The following MYCBP2 variants were observed in gnomAD, a reference collection of about 807,000 sequenced individuals.
MYCBP2 encodes E3 ubiquitin-protein ligase MYCBP2.
MYCBP2 carries 120 observed loss-of-function variants against 525.3 expected under a neutral mutation model. The observed-to-expected ratio is 0.23, with a 90% CI of 0.20 to 0.27. MYCBP2 has a LOEUF of 0.27. Among genes scored for constraint, MYCBP2 ranks in the 10% least tolerant of loss-of-function variants. The probability of loss-of-function intolerance (pLI) is 1.00; values close to 1 mark genes in which losing one functional copy is unlikely to be tolerated. For synonymous variants in MYCBP2, 1,894 were observed against 1,955.8 expected, an observed-to-expected ratio of 0.97 and a Z score of 0.83; for missense variants, 4,149 against 5,657.1, an observed-to-expected ratio of 0.73 and a Z score of 8.55.
In MYCBP2 at chr13:77,217,965, A is replaced by T; in HGVS notation, c.2940-8T>A. ...ACAAGAGTGGGACATCCCCTAGGTT[A>T]AAAAAAAAAAAAGTAAGTCAATTTC... On this transcript the variant is annotated splice_polypyrimidine_tract_variant and splice_region_variant and intron_variant, in intron 20 of 82. Transcript: ENST00000544440. 9.0e-6 allele frequency: 2 copies of T among 222,418 alleles called. No individual in the cohort carries two copies. Among genetic ancestry groups the T allele is most frequent in the Non-Finnish European group, 1.5e-5 (2 of 131,838 alleles). 13.8% of individuals were successfully genotyped at this position (222,418 alleles called of 1,614,324 possible). A position where few individuals can be genotyped will look rare whatever the true frequency, so the allele number is the denominator to read the frequency against.
At chr13:77,100,524 G>C (rs1039357470) in intron 55 of MYCBP2, 1 of 151,944 alleles carries the variant, frequency 6.6e-6, no homozygotes, top group African/African-American at 2.4e-5. Flanking sequence ...AGGCTCCCAA[G>C]GCCACAGGAC....
intron 32 of MYCBP2, among the ~76,000 whole-genome samples, chr13:77,183,167 T>C (rs1434785302): frequency 6.6e-6 from 1 of 152,244 alleles, no homozygotes; most frequent in Non-Finnish European, 1.5e-5. Flanking sequence ...TAAGAGCATC[T>C]ATGTTTCTGA....
In MYCBP2 at chr13:77,139,339, A is replaced by T. The variant is rs2054228431; in HGVS notation, c.7519-3T>A. On this transcript the variant is annotated splice_region_variant and splice_polypyrimidine_tract_variant and intron_variant, in intron 51 of 82. Coordinates refer to ENST00000544440, the MANE Select transcript of MYCBP2 (RefSeq NM_015057.5). ...CACACACCATCATCATTATGGATCT[A>T]TAGAAAAAAGCAACAGAAACAAGCC... 6.2e-7 allele frequency: 1 copy of T among 1,610,098 alleles called. No individual in the cohort carries two copies. Among genetic ancestry groups the T allele is most frequent in the Non-Finnish European group, 8.5e-7 (1 of 1,177,708 alleles).
At chr13:77,061,324 G>A (rs2154072135) in intron 75 of MYCBP2, 23 bp from the exon 76 acceptor site, 4 of 1,560,304 alleles carry the variant, frequency 2.6e-6, no homozygotes, top group East Asian at 2.3e-5. Context: ...TAAAGAACAG[G>A]GAAAAATATG....
At chr13:77,190,543 A>C (rs1595279116) in intron 28 of MYCBP2, among the ~76,000 whole-genome samples, 2 of 152,278 alleles carry the variant, frequency 1.3e-5, no homozygotes, top group South Asian at 4.1e-4. Flanking sequence ...AGGACTCCTA[A>C]ATGAGTAGCT....
chr13:77,153,575 T>C (rs1047720367), intron 46 of MYCBP2, among the ~76,000 whole-genome samples: 1 of 152,232 alleles, frequency 6.6e-6, no homozygotes, highest in African/African-American at 2.4e-5. Context: ...TCTATGTGTG[T>C]ATGCACCATG....
intron 7 of MYCBP2, among the ~76,000 whole-genome samples, chr13:77,268,272 A>C (rs1459144443): frequency 6.6e-6 from 1 of 152,210 alleles, no homozygotes; most frequent in African/African-American, 2.4e-5. Context: ...TTTAAGAAAA[A>C]TAACAAGTAT....
chr13:77,158,764 C>A (rs923754484), intron 44 of MYCBP2, among the ~76,000 whole-genome samples: 6 of 152,052 alleles, frequency 3.9e-5, no homozygotes, highest in Non-Finnish European at 8.8e-5. Context: ...TTTTTCAGTC[C>A]CCCTTACAGG....
intron 80 of MYCBP2, among the ~76,000 whole-genome samples, chr13:77,054,989 T>TA (rs1321956176): frequency 5.9e-5 from 9 of 152,254 alleles, no homozygotes; most frequent in Non-Finnish European, 1.2e-4. Flanking sequence ...TATTTGTAAC[T>TA]AAATCTCAAA....
rs776855105 is a variant in MYCBP2, at chr13:77,067,762, T to C, written c.12274A>G (p.Ile4092Val). The C allele has an allele frequency of 1.9e-6, 3 of 1,614,078 alleles. No individual in the cohort carries two copies. Among genetic ancestry groups the C allele is most frequent in the Non-Finnish European group, 1.7e-6 (2 of 1,179,940 alleles). ...SLPPADISDI[I>V]HSTEKGDWNK... ...CAGTCTCCTTTCTCTGTTGAGTGAATGATATCACTGATATCTGCTGGGGGG... is the reference window on the plus strand; with the variant it reads ...CAGTCTCCTTTCTCTGTTGAGTGAACGATATCACTGATATCTGCTGGGGGG... Residue 4092 changes from isoleucine to valine, a missense_variant, in exon 71 of 83, where the codon ATT (isoleucine) becomes GTT (valine). Transcript: ENST00000544440.
intron 73 of MYCBP2, among the ~76,000 whole-genome samples, chr13:77,063,612 T>C (rs1438686473): frequency 6.6e-6 from 1 of 151,218 alleles, no homozygotes; most frequent in African/African-American, 2.4e-5. Context: ...GTTAAAAATT[T>C]CTGAGGCTTA....
At chr13:77,120,388 G>A (rs2050485475) in intron 55 of MYCBP2, among the ~76,000 whole-genome samples, 1 of 152,160 alleles carries the variant, frequency 6.6e-6, no homozygotes, top group South Asian at 2.1e-4. Context: ...GGAAAGTAAT[G>A]AAGCTATTCA....
At chr13:77,216,941 C>T (rs978982895) in intron 21 of MYCBP2, among the ~76,000 whole-genome samples, 7 of 152,120 alleles carry the variant, frequency 4.6e-5, no homozygotes, top group East Asian at 1.9e-4. Flanking sequence ...TATATACATA[C>T]GTACACACAC....
In MYCBP2 at chr13:77,312,361, C is replaced by A. The variant is rs564976097; in HGVS notation, c.302+14113G>T. ...TTTCCTCTAAGTTCTATAAAGTACA[C>A]ATGACTGTCGACAACAAAAACTATA... On this transcript the variant is annotated intron_variant, in intron 1 of 82. Coordinates refer to ENST00000544440, the MANE Select transcript of MYCBP2 (RefSeq NM_015057.5). 1.1e-4 allele frequency among the ~76,000 whole-genome samples: 16 copies of A among 152,114 alleles called. No homozygotes were observed. In the South Asian group the frequency reaches 1.9e-3, roughly 18 times the overall value.
rs1291661293 is a variant in MYCBP2, at chr13:77,055,576, C to G, written c.13629G>C (p.Val4543=). The G allele has an allele frequency of 1.2e-6, 2 of 1,613,758 alleles. No homozygotes were observed. The highest frequency in any genetic ancestry group is 2.2e-5 in the East Asian group (1 of 44,860). The part of the protein sequence containing the change: ...GYAMNRYAYY[V]CYKCRKAYFG... Reference sequence around the variant, plus strand: ...AGCATACCTTTCTGCATTTGTAGCACACATAATATGCATATCTATTCATTG... The same window carrying G: ...AGCATACCTTTCTGCATTTGTAGCAGACATAATATGCATATCTATTCATTG... Residue 4543 remains valine (V), a synonymous_variant, in exon 80 of 83, where the codon GTG becomes GTC. Transcript: ENST00000544440.
At chr13:77,045,618 T>C in intron 82 of MYCBP2, 125 bp from the exon 83 acceptor site, 2 of 653,668 alleles carry the variant, frequency 3.1e-6, no homozygotes, top group Middle Eastern at 3.2e-4. Context: ...TATACAAATA[T>C]AACATTTAGA....
intron 58 of MYCBP2, 90 bp downstream of exon 58, chr13:77,095,268 T>C: frequency 1.4e-6 from 2 of 1,465,644 alleles, no homozygotes; most frequent in Non-Finnish European, 9.3e-7. Flanking sequence ...GCTAATAAAG[T>C]GTAGGTCAAA....
Position 77,098,481 on chromosome 13 carries a change from A to G in MYCBP2, c.8673T>C (p.Pro2891=), listed in dbSNP as rs765192962. ...LRKKKMPLTE[P]LRGRSTSPKP... ...TTGGTGACGTTGACCGTCCTCTCAA[A>G]GGTTCTGTGAGGGGCATTTTCTTCT... is the stretch of plus-strand genomic sequence containing the variant. The change falls in exon 56 of 83, where the codon CCT becomes CCC. Residue 2891 remains proline, a synonymous_variant. Transcript: ENST00000544440. 5 of 1,613,700 alleles carry G rather than the reference A, an allele frequency of 3.1e-6. No homozygotes were observed. The South Asian group carries it at 4.4e-5, about 14-fold the overall frequency.
intron 55 of MYCBP2, among the ~76,000 whole-genome samples, chr13:77,120,332 T>TA (rs1324920486): frequency 3.3e-5 from 5 of 151,474 alleles, no homozygotes; most frequent in Non-Finnish European, 7.4e-5. Flanking sequence ...TCCAAGGGAG[T>TA]AAAAAAAAAT....
Sources: gnomAD v4.1 joint callset for allele counts (sites outside exome capture counted in the v4.1 genomes callset) on GRCh38, gnomAD v4.1.1 for gene constraint, MANE v1.5 for transcripts, NCBI Gene and HGNC (gene_info 2026-07-23, HGNC 2026-07-21) for gene names.